The following CNTNAP2 variants were observed in gnomAD, a reference collection of about 807,000 sequenced individuals.
The protein encoded by CNTNAP2 is contactin associated protein 2.
A neutral mutation model predicts 155.2 loss-of-function variants in CNTNAP2; 98 were observed. That is an observed-to-expected ratio of 0.63 (90% CI 0.54 to 0.75). The LOEUF is 0.75. CNTNAP2 is among the 30% of genes least tolerant of loss of function. CNTNAP2 has a pLI of 0.00. For missense variants in CNTNAP2, 1,727 were observed against 1,688.1 expected, an observed-to-expected ratio of 1.02 and a Z score of -0.40; for synonymous variants, 651 against 631.2, an observed-to-expected ratio of 1.03 and a Z score of -0.47.
intron 1 of CNTNAP2, among the ~76,000 whole-genome samples, chr7:146,179,142 G>A (rs1166281158): frequency 6.6e-6 from 1 of 152,172 alleles, no homozygotes; most frequent in Non-Finnish European, 1.5e-5. Context: ...GGAAACAGAA[G>A]TTTTGAGAGA....
intron 18 of CNTNAP2, among the ~76,000 whole-genome samples, chr7:148,186,378 G>A (rs549013750): frequency 9.9e-5 from 15 of 152,138 alleles, no homozygotes; most frequent in Non-Finnish European, 5.9e-5. Context: ...AAATCACATT[G>A]CTAGTAAATG....
At chr7:147,979,855 C>T (rs771368053) in intron 15 of CNTNAP2, among the ~76,000 whole-genome samples, 24 of 152,100 alleles carry the variant, frequency 1.6e-4, no homozygotes, top group South Asian at 6.2e-4. Flanking sequence ...ACTCCTGACC[C>T]CGGGTGATCC....
At chr7:147,760,926 A>G (rs1051840637) in intron 13 of CNTNAP2, among the ~76,000 whole-genome samples, 1 of 152,184 alleles carries the variant, frequency 6.6e-6, no homozygotes, top group Non-Finnish European at 1.5e-5. Context: ...AAGCCAAAGG[A>G]TCTTTGAACT....
At chr7:147,998,875 T>G (rs1171193324) in intron 15 of CNTNAP2, among the ~76,000 whole-genome samples, 1 of 152,160 alleles carries the variant, frequency 6.6e-6, no homozygotes, top group Non-Finnish European at 1.5e-5. Context: ...AATCTTTAAT[T>G]AAAATAAAAC....
intron 14 of CNTNAP2, among the ~76,000 whole-genome samples, chr7:147,938,243 T>C (rs1422183721): frequency 6.6e-6 from 1 of 152,140 alleles, no homozygotes; most frequent in Non-Finnish European, 1.5e-5. Flanking sequence ...CGTAAAAATA[T>C]GCATATAAAA....
intron 2 of CNTNAP2, among the ~76,000 whole-genome samples, chr7:146,811,595 C>G (rs531018410): frequency 2.6e-4 from 40 of 151,924 alleles, no homozygotes; most frequent in Non-Finnish European, 4.9e-4. Flanking sequence ...TTTCATTGAT[C>G]TTTTCTATAG....
intron 11 of CNTNAP2, among the ~76,000 whole-genome samples, chr7:147,492,488 G>C (rs965770910): frequency 3.3e-5 from 5 of 152,104 alleles, no homozygotes; most frequent in Non-Finnish European, 5.9e-5. Flanking sequence ...TATAAAATTT[G>C]AATAACATGA....
intron 4 of CNTNAP2, among the ~76,000 whole-genome samples, chr7:147,045,597 A>G (rs1396241722): frequency 6.6e-6 from 1 of 152,178 alleles, no homozygotes; most frequent in African/African-American, 2.4e-5. Context: ...AGGAAAATTT[A>G]GCATTTCTGG....
rs148636248 is a variant in CNTNAP2, at chr7:146,355,522, G to A, written c.97+238549G>A. On this transcript the variant is annotated intron_variant, in intron 1 of 23. Coordinates refer to ENST00000361727, the MANE Select transcript of CNTNAP2 (RefSeq NM_014141.6). ...TGGATATCTTTCAAAATGGCCTCTG[G>A]TAATGAGCTATTTGTCCTGCATTGT... Among the ~76,000 whole-genome samples the A allele has an allele frequency of 7.9e-3, 1,206 of 152,188 alleles. 4 individuals are homozygous for A. Among genetic ancestry groups the A allele is most frequent in the Non-Finnish European group, 0.014 (919 of 68,020 alleles).
chr7:146,261,010 C>A (rs959971190), intron 1 of CNTNAP2, among the ~76,000 whole-genome samples: 1 of 152,128 alleles, frequency 6.6e-6, no homozygotes, highest in Admixed American at 6.5e-5. Context: ...TGGTTTCTCC[C>A]AGGCTGTTCT....
intron 22 of CNTNAP2, among the ~76,000 whole-genome samples, chr7:148,396,637 A>G (rs558577266): frequency 1.4e-4 from 21 of 152,306 alleles, no homozygotes; most frequent in African/African-American, 4.1e-4. Context: ...ACACATCACC[A>G]CATGCTTTTC....
At chr7:146,306,366 AAAAGAGGGAATCCTCTCT>A (rs1563030232) in intron 1 of CNTNAP2, among the ~76,000 whole-genome samples, 1 of 152,180 alleles carries the variant, frequency 6.6e-6, no homozygotes, top group Non-Finnish European at 1.5e-5. Flanking sequence ...AATCAATAGA[AAAAGAGGGAATCCTCTCT>A]AATTCATTTT....
At chr7:148,229,129 C>G (rs1237377508) in intron 19 of CNTNAP2, among the ~76,000 whole-genome samples, 1 of 152,160 alleles carries the variant, frequency 6.6e-6, no homozygotes, top group Non-Finnish European at 1.5e-5. Context: ...TATGTGCGAG[C>G]CTGGTGCTGT....
chr7:148,031,017 A>C (rs1563173633), intron 15 of CNTNAP2, among the ~76,000 whole-genome samples: 1 of 152,056 alleles, frequency 6.6e-6, no homozygotes, highest in Non-Finnish European at 1.5e-5. Context: ...ATTGAACTAG[A>C]CTCCATTGGC....
In CNTNAP2 at chr7:146,397,913, G is replaced by T. The variant is rs1795655853; in HGVS notation, c.97+280940G>T. Among the ~76,000 whole-genome samples the T allele has an allele frequency of 1.4e-5, 2 of 139,704 alleles. 1 individual carries two copies. Among genetic ancestry groups the T allele is most frequent in the Non-Finnish European group, 3.0e-5 (2 of 66,506 alleles). The allele number at this position is 139,704 out of a possible 152,430, so 91.7% of individuals were successfully genotyped here. A position where few individuals can be genotyped will look rare whatever the true frequency, so the allele number is the denominator to read the frequency against. On this transcript the variant is annotated intron_variant, in intron 1 of 23. Coordinates refer to ENST00000361727, the MANE Select transcript of CNTNAP2 (RefSeq NM_014141.6). ...ATTTTTGACATGGTCTTGCTCTGTT[G>T]TACAGGCTGGAGTGCAGTGGTGTGA...
chr7:146,264,896 G>GCCATAAGATGTTAAAGGTCAT (rs1320398454), intron 1 of CNTNAP2, among the ~76,000 whole-genome samples: 14 of 152,188 alleles, frequency 9.2e-5, no homozygotes, highest in Admixed American at 2.6e-4. Context: ...TCTGGTCATT[G>GCCATAAGATGTTAAAGGTCAT]TATCATAAGA....
intron 1 of CNTNAP2, among the ~76,000 whole-genome samples, chr7:146,576,207 G>C (rs948329030): frequency 7.2e-5 from 11 of 152,302 alleles, no homozygotes; most frequent in African/African-American, 2.6e-4. Context: ...GATAAGATTT[G>C]TTGGGTTTTC....
At chr7:147,669,945 G>A (rs367911038) in intron 13 of CNTNAP2, among the ~76,000 whole-genome samples, 1 of 152,122 alleles carries the variant, frequency 6.6e-6, no homozygotes, top group East Asian at 1.9e-4. Flanking sequence ...GTAATCCACG[G>A]TTCTGCTTTC....
At chr7:147,568,861 C>T (rs1440299423) in intron 12 of CNTNAP2, among the ~76,000 whole-genome samples, 1 of 152,114 alleles carries the variant, frequency 6.6e-6, no homozygotes, top group Non-Finnish European at 1.5e-5. Flanking sequence ...TCGATCCAGC[C>T]ATTATTCTTG....
Sources: allele counts gnomAD v4.1 joint callset (sites outside exome capture counted in the v4.1 genomes callset), GRCh38; gene constraint gnomAD v4.1.1; transcripts MANE v1.5; gene names NCBI Gene and HGNC (gene_info 2026-07-23, HGNC 2026-07-21).